Variants in GRIA1 observed in about 807,000 individuals in gnomAD.
GRIA1 encodes the protein glutamate ionotropic receptor AMPA type subunit 1.
In GRIA1, 31 loss-of-function variants were observed where a neutral mutation model predicts 99.2. The ratio of observed to expected loss-of-function variants is 0.31; its 90% confidence interval spans 0.23 to 0.42. GRIA1 has a LOEUF of 0.42. Ranked by LOEUF, GRIA1 falls within the 10% of genes least tolerant of loss-of-function variation. GRIA1 has a pLI of 1.00. For synonymous variants in GRIA1, 438 were observed against 432.4 expected, an observed-to-expected ratio of 1.01 and a Z score of -0.16; for missense variants, 782 against 1,157.5, an observed-to-expected ratio of 0.68 and a Z score of 4.71.
chr5:153,732,678 CT>C (rs1362513474), intron 11 of GRIA1, among the ~76,000 whole-genome samples: 15 of 152,006 alleles, frequency 9.9e-5, no homozygotes, highest in Non-Finnish European at 1.8e-4. Context: ...CCATAATTGC[CT>C]TTTCATTTTG....
At chr5:153,621,448 A>T (rs954104130) in intron 2 of GRIA1, among the ~76,000 whole-genome samples, 25 of 150,018 alleles carry the variant, frequency 1.7e-4, no homozygotes, top group Admixed American at 1.5e-3. Flanking sequence ...CAAAAAATTT[A>T]AAATTGTTAT....
At chr5:153,747,777 T>A (rs2149585335) in intron 11 of GRIA1, among the ~76,000 whole-genome samples, 1 of 152,282 alleles carries the variant, frequency 6.6e-6, no homozygotes, top group Non-Finnish European at 1.5e-5. Flanking sequence ...GTTTTCCCAG[T>A]GGGGTGTAGC....
At chr5:153,492,711 G>A (rs1351982856) in intron 1 of GRIA1, among the ~76,000 whole-genome samples, 1 of 152,010 alleles carries the variant, frequency 6.6e-6, no homozygotes, top group African/African-American at 2.4e-5. Flanking sequence ...GTTTTCTCAT[G>A]TATCTCTGCA....
rs76529656 is a variant in GRIA1, at chr5:153,667,624, A to T, written c.700-6876A>T. Among the ~76,000 whole-genome samples the T allele has an allele frequency of 1.9e-3, 285 of 152,324 alleles. 1 individual carries two copies. Among genetic ancestry groups the T allele is most frequent in the Non-Finnish European group, 3.1e-3 (213 of 68,034 alleles). ...TTTTATTAATTCTTTTAAACCGTTCACCAATCCTGTGATGTAGGTGCTATA... is the reference window on the plus strand; with the variant it reads ...TTTTATTAATTCTTTTAAACCGTTCTCCAATCCTGTGATGTAGGTGCTATA... On this transcript the variant is annotated intron_variant, in intron 5 of 15. Transcript: ENST00000285900.
intron 8 of GRIA1, among the ~76,000 whole-genome samples, chr5:153,694,929 G>T (rs1757988903): frequency 1.3e-5 from 2 of 152,014 alleles, no homozygotes; most frequent in Non-Finnish European, 2.9e-5. Context: ...TAGGAGGAAG[G>T]AAGGGAGAAA....
rs746664232 is a variant in GRIA1, at chr5:153,802,498, C to T, written c.2520+8C>T. ...GAATCCAAGCGGATGAAGGTGGCAT[C>T]GTCTTCCCGGGCCTTTTTCCTAACC... On this transcript the variant is annotated splice_region_variant and intron_variant, in intron 15 of 15. Transcript: ENST00000285900. 5 of 1,613,864 alleles carry T rather than the reference C, an allele frequency of 3.1e-6. No individual in the cohort carries two copies. The highest frequency in any genetic ancestry group is 1.3e-5 in the African/African-American group (1 of 75,000).
At chr5:153,581,416 C>A (rs763232707) in intron 2 of GRIA1, among the ~76,000 whole-genome samples, 46 of 152,186 alleles carry the variant, frequency 3.0e-4, no homozygotes, top group Non-Finnish European at 6.3e-4. Flanking sequence ...GCTCCCCTTG[C>A]TCACTGTGCT....
chr5:153,659,000 A>AC (rs371303389), intron 5 of GRIA1, among the ~76,000 whole-genome samples: 58 of 140,994 alleles, frequency 4.1e-4, no homozygotes, highest in Admixed American at 2.7e-4. Flanking sequence ...AAACAAACAA[A>AC]AAAAAAACCT....
intron 1 of GRIA1, 78 bp downstream of exon 1, chr5:153,491,048 C>G (rs991343822): frequency 7.5e-7 from 1 of 1,325,650 alleles, no homozygotes; most frequent in Non-Finnish European, 1.1e-6. Flanking sequence ...TTGTGTACCC[C>G]CTCCCCGGTA....
chr5:153,783,593 C>T (rs1435972719), intron 13 of GRIA1, among the ~76,000 whole-genome samples: 3 of 152,230 alleles, frequency 2.0e-5, no homozygotes, highest in Admixed American at 6.5e-5. Context: ...GGTTTCTTCA[C>T]AGAACCCTGA....
At chr5:153,543,228 G>A (rs980654553) in intron 2 of GRIA1, among the ~76,000 whole-genome samples, 26 of 152,256 alleles carry the variant, frequency 1.7e-4, no homozygotes, top group African/African-American at 6.3e-4. Flanking sequence ...TGACAATGTT[G>A]TAATCCCAGT....
chr5:153,781,541 C>T (rs190889074), intron 13 of GRIA1, among the ~76,000 whole-genome samples: 2 of 152,088 alleles, frequency 1.3e-5, no homozygotes, highest in Non-Finnish European at 2.9e-5. Flanking sequence ...TGCAGGAAAC[C>T]CCTGCTGATT....
chr5:153,519,622 C>T (rs1396076588), intron 2 of GRIA1, among the ~76,000 whole-genome samples: 1 of 152,016 alleles, frequency 6.6e-6, no homozygotes, highest in Admixed American at 6.6e-5. Context: ...AGGAGTGCAG[C>T]CCCTGTGAAG....
intron 2 of GRIA1, among the ~76,000 whole-genome samples, chr5:153,509,256 G>A (rs1443271893): frequency 6.6e-6 from 1 of 152,190 alleles, no homozygotes; most frequent in Non-Finnish European, 1.5e-5. Flanking sequence ...TAGAAGAGAT[G>A]AAAGAGGTAA....
chr5:153,719,773 A>T lies in GRIA1; in HGVS notation c.1823+13706A>T, dbSNP rs140664452. ...TTGTAAGGTGTGGAATGGAGGGGGTAGGGGTATTGTGACCATCTTTGGAAA... is the reference window on the plus strand; with the variant it reads ...TTGTAAGGTGTGGAATGGAGGGGGTTGGGGTATTGTGACCATCTTTGGAAA... On this transcript the variant is annotated intron_variant, in intron 11 of 15. Coordinates refer to ENST00000285900, the MANE Select transcript of GRIA1 (RefSeq NM_000827.4). Among the ~76,000 whole-genome samples, 335 of 152,268 alleles carry T rather than the reference A, an allele frequency of 2.2e-3. 2 individuals are homozygous for T. The highest frequency in any genetic ancestry group is 7.8e-3 in the African/African-American group (326 of 41,572).
At chr5:153,771,712 T>C (rs1302047602) in intron 13 of GRIA1, among the ~76,000 whole-genome samples, 1 of 152,178 alleles carries the variant, frequency 6.6e-6, no homozygotes, top group Non-Finnish European at 1.5e-5. Flanking sequence ...GCCTTTTAAG[T>C]GCAAGTTAAG....
chr5:153,723,951 T>C (rs1760293423), intron 11 of GRIA1, among the ~76,000 whole-genome samples: 1 of 151,894 alleles, frequency 6.6e-6, no homozygotes, highest in Non-Finnish European at 1.5e-5. Context: ...CTCAAGTGAG[T>C]CCCTAACCCC....
chr5:153,520,085 C>T (rs1383215422), intron 2 of GRIA1, among the ~76,000 whole-genome samples: 1 of 152,154 alleles, frequency 6.6e-6, no homozygotes, highest in East Asian at 1.9e-4. Flanking sequence ...GGGCCAGGCT[C>T]TTTGCTAGAT....
At chr5:153,728,249 C>G (rs1282243591) in intron 11 of GRIA1, among the ~76,000 whole-genome samples, 2 of 152,004 alleles carry the variant, frequency 1.3e-5, no homozygotes, top group African/African-American at 4.8e-5. Flanking sequence ...GGATTAAAGA[C>G]TTAAACGTTA....
Sources: gnomAD v4.1 joint callset for allele counts (sites outside exome capture counted in the v4.1 genomes callset) on GRCh38, gnomAD v4.1.1 for gene constraint, MANE v1.5 for transcripts, NCBI Gene and HGNC (gene_info 2026-07-23, HGNC 2026-07-21) for gene names.